Variants in CPNE4 observed in about 807,000 individuals in gnomAD.
CPNE4 encodes the protein copine-4.
A neutral mutation model predicts 67.9 loss-of-function variants in CPNE4; 25 were observed. The ratio of observed to expected loss-of-function variants is 0.37; its 90% CI spans 0.27 to 0.51. The LOEUF is 0.51. CPNE4 is among the 20% of genes least tolerant of loss of function. The pLI, the probability that CPNE4 is intolerant of heterozygous loss-of-function variation, is 0.93. For missense variants in CPNE4, 464 were observed against 690.8 expected (o/e 0.67, Z 3.68); for synonymous variants, 242 against 244.9 (o/e 0.99, Z 0.11).
At position 131,654,589 on chromosome 3, in the gene CPNE4, T is replaced by A. The variant is rs113087363; in HGVS notation, c.681+15086A>T. The stretch of plus-strand genomic sequence containing the variant: ...AAACATCTCCCAGGAGAAGCATTCC[T>A]ACTTGTGCACTGGGGCCAGCTTTAG... On this transcript the variant is annotated intron_variant, in intron 7 of 15. Coordinates refer to ENST00000429747, the MANE Select transcript of CPNE4 (RefSeq NM_130808.3). 4.0e-3 allele frequency among the ~76,000 whole-genome samples: 606 copies of A among 152,346 alleles called. 5 individuals carry two copies. Among genetic ancestry groups the A allele is most frequent in the African/African-American group, 0.014 (569 of 41,588 alleles).
intron 2 of CPNE4, among the ~76,000 whole-genome samples, chr3:131,728,633 G>C (rs541017123): frequency 2.6e-5 from 4 of 152,090 alleles, no homozygotes; most frequent in Non-Finnish European, 5.9e-5. Flanking sequence ...TTGTGTGGCC[G>C]GGCGCAGTGG....
chr3:131,597,690 C>T (rs932739565), intron 7 of CPNE4, among the ~76,000 whole-genome samples: 3 of 152,180 alleles, frequency 2.0e-5, no homozygotes, highest in African/African-American at 7.2e-5. Flanking sequence ...CACAACTTAT[C>T]ATTTTTCCAG....
rs561568745 is a variant in CPNE4 at position 131,744,806 on chromosome 3, G to A, written c.181-21181C>T. 4.3e-3 allele frequency among the ~76,000 whole-genome samples: 661 copies of A among 152,218 alleles called. 1 individual carries two copies. The highest frequency in any genetic ancestry group is 0.01 in the Admixed American group (160 of 15,290). ...CTGCTGAGTACAATTCCATGATATA[G>A]ATGTACCACAGTTTGTTTAAACACT... On this transcript the variant is annotated intron_variant, in intron 2 of 15. Coordinates refer to ENST00000429747, the MANE Select transcript of CPNE4 (RefSeq NM_130808.3).
intron 7 of CPNE4, among the ~76,000 whole-genome samples, chr3:131,607,044 A>G (rs1489961973): frequency 6.6e-6 from 1 of 151,098 alleles, no homozygotes; most frequent in African/African-American, 2.4e-5. Context: ...ATTTGTACTA[A>G]GCTGTTAGCC....
chr3:131,673,341 T>C (rs192577391), intron 6 of CPNE4, among the ~76,000 whole-genome samples: 73 of 152,224 alleles, frequency 4.8e-4, no homozygotes, highest in Non-Finnish European at 8.5e-4. Context: ...TCATATAAAT[T>C]TTAGGATTGT....
chr3:131,574,129 C>T (rs1937473751), intron 10 of CPNE4, among the ~76,000 whole-genome samples: 1 of 152,050 alleles, frequency 6.6e-6, no homozygotes, highest in Non-Finnish European at 1.5e-5. Flanking sequence ...AATTTAAACC[C>T]ATTTTATTTC....
At chr3:131,924,802 A>G (rs2107816590) in intron 1 of CPNE4, among the ~76,000 whole-genome samples, 1 of 152,288 alleles carries the variant, frequency 6.6e-6, no homozygotes. Flanking sequence ...CGTGAGTGTT[A>G]TCAACCAGCT....
chr3:131,671,790 T>C (rs9289392), intron 6 of CPNE4, among the ~76,000 whole-genome samples: 136,194 of 152,068 alleles, frequency 0.9, 61,127 homozygotes, highest in East Asian at 0.97. Context: ...GGGCTGTTAC[T>C]TCAAGAATTT....
chr3:131,991,751 C>T (rs573317864), intron 1 of CPNE4, among the ~76,000 whole-genome samples: 1 of 135,402 alleles, frequency 7.4e-6, no homozygotes, highest in Non-Finnish European at 1.7e-5. Flanking sequence ...CCTCCCATCA[C>T]AGGCCCAGAG....
intron 7 of CPNE4, among the ~76,000 whole-genome samples, chr3:131,658,337 G>A (rs749925962): frequency 6.6e-6 from 1 of 152,144 alleles, no homozygotes; most frequent in Non-Finnish European, 1.5e-5. Context: ...GGCAACATGA[G>A]GAGGCATCTC....
chr3:132,004,796 C>T (rs1427924859), intron 1 of CPNE4, among the ~76,000 whole-genome samples: 18 of 152,064 alleles, frequency 1.2e-4, no homozygotes, highest in Non-Finnish European at 7.4e-5. Context: ...TGTAATAGCA[C>T]ATTCCCAGTG....
intron 1 of CPNE4, among the ~76,000 whole-genome samples, chr3:131,953,301 G>C (rs2071836074): frequency 6.9e-6 from 1 of 145,034 alleles, no homozygotes; most frequent in South Asian, 2.2e-4. Flanking sequence ...TCTTTTTCCA[G>C]TTCTTATAGG....
intron 1 of CPNE4, among the ~76,000 whole-genome samples, chr3:131,919,203 G>A (rs929419034): frequency 2.0e-5 from 3 of 152,156 alleles, no homozygotes; most frequent in African/African-American, 7.2e-5. Context: ...ATAGTGAAGA[G>A]GATTGATGAG....
chr3:131,753,338 T>C (rs2082676175), intron 2 of CPNE4, among the ~76,000 whole-genome samples: 1 of 152,064 alleles, frequency 6.6e-6, no homozygotes, highest in South Asian at 2.1e-4. Flanking sequence ...AGAAAATCTT[T>C]GTAACTACAC....
At chr3:131,697,835 C>T (rs1381349160) in intron 4 of CPNE4, among the ~76,000 whole-genome samples, 3 of 152,166 alleles carry the variant, frequency 2.0e-5, no homozygotes, top group Non-Finnish European at 4.4e-5. Flanking sequence ...TCACCATCTG[C>T]AGAGACCTAG....
At chr3:131,846,736 G>A (rs570839280) in intron 2 of CPNE4, among the ~76,000 whole-genome samples, 1 of 152,162 alleles carries the variant, frequency 6.6e-6, no homozygotes, top group African/African-American at 2.4e-5. Context: ...CCTGAGTAGA[G>A]AAACAAGAAA....
chr3:131,866,868 A>C (rs186668044), intron 2 of CPNE4, among the ~76,000 whole-genome samples: 1 of 152,376 alleles, frequency 6.6e-6, no homozygotes, highest in African/African-American at 2.4e-5. Flanking sequence ...GAGGAGATTA[A>C]GGAAAGACAA....
chr3:131,984,830 T>C (rs6773181), intron 1 of CPNE4, among the ~76,000 whole-genome samples: 5,108 of 152,276 alleles, frequency 0.034, 275 homozygotes, highest in African/African-American at 0.11. Context: ...ATCTTCCACA[T>C]TGGTTCTCAG....
At chr3:131,637,522 C>A (rs984850474) in intron 7 of CPNE4, among the ~76,000 whole-genome samples, 1 of 152,138 alleles carries the variant, frequency 6.6e-6, no homozygotes, top group Non-Finnish European at 1.5e-5. Flanking sequence ...ATGAACAAAG[C>A]CTCCAATAAG....
Sources: allele counts gnomAD v4.1 joint callset (sites outside exome capture counted in the v4.1 genomes callset), GRCh38; gene constraint gnomAD v4.1.1; transcripts MANE v1.5; gene names NCBI Gene and HGNC (gene_info 2026-07-23, HGNC 2026-07-21).